PALMD: variants seen among roughly 807,000 people sequenced by gnomAD.
PALMD encodes the protein paralemmin-like protein.
Under a neutral mutation model 56.2 loss-of-function variants are expected in PALMD, and 42 were observed. The ratio of observed to expected loss-of-function variants is 0.75; its 90% CI spans 0.58 to 0.97. PALMD has a LOEUF of 0.97. PALMD is among the 50% of genes least tolerant of loss of function. The pLI is 0.00. For missense variants in PALMD, 660 were observed against 643.8 expected (o/e 1.03, Z -0.27); for synonymous variants, 242 against 222.9 (o/e 1.09, Z -0.76).
chr1:99,682,421 G>C (rs959441958), intron 3 of PALMD, among the ~76,000 whole-genome samples: 4 of 152,138 alleles, frequency 2.6e-5, no homozygotes, highest in Non-Finnish European at 5.9e-5. Flanking sequence ...GATGTATTGT[G>C]AGACCACAGC....
intron 7 of PALMD, among the ~76,000 whole-genome samples, chr1:99,691,241 G>A (rs781117968): frequency 6.6e-6 from 1 of 151,972 alleles, no homozygotes; most frequent in South Asian, 2.1e-4. Context: ...CACTGTTTAC[G>A]GTCAATAGCA....
chr1:99,680,840 G>A (rs1653324543), intron 3 of PALMD, among the ~76,000 whole-genome samples: 1 of 151,458 alleles, frequency 6.6e-6, no homozygotes, highest in Non-Finnish European at 1.5e-5. Flanking sequence ...GTATATGTGT[G>A]TATATATATG....
intron 1 of PALMD, among the ~76,000 whole-genome samples, chr1:99,647,484 T>C (rs149652334): frequency 6.6e-6 from 1 of 152,362 alleles, no homozygotes; most frequent in Admixed American, 6.5e-5. Flanking sequence ...AGTCTATTGA[T>C]AAGGTTGGCA....
At chr1:99,660,772 G>A (rs1652829384) in intron 1 of PALMD, among the ~76,000 whole-genome samples, 1 of 152,148 alleles carries the variant, frequency 6.6e-6, no homozygotes, top group South Asian at 2.1e-4. Context: ...TGTAGTCCCA[G>A]TTACTCAGGA....
In PALMD at chr1:99,694,156, T is replaced by G; in HGVS notation, c.*94T>G. ...GATATTTTGTTTATTTTTTCTGAAG[T>G]CCAAAAAATTATCATTACAGTGTAC... is the stretch of plus-strand genomic sequence containing the variant. On this transcript the variant is annotated 3_prime_UTR_variant, in exon 8 of 8. Coordinates refer to ENST00000263174, the MANE Select transcript of PALMD (RefSeq NM_017734.5). 2 of 834,324 alleles carry G rather than the reference T, an allele frequency of 2.4e-6. No individual in the cohort carries two copies. Among genetic ancestry groups the G allele is most frequent in the South Asian group, 3.3e-5 (2 of 61,502 alleles). 51.7% of individuals were successfully genotyped at this position (834,324 alleles called of 1,614,324 possible).
chr1:99,690,087 T>C (rs2100877628), intron 7 of PALMD: 1 of 510,902 alleles, frequency 2.0e-6, no homozygotes, highest in East Asian at 3.1e-5. Context: ...ATTGCCTTAT[T>C]TGATATTGTA....
intron 3 of PALMD, among the ~76,000 whole-genome samples, chr1:99,676,527 C>G (rs1653216264): frequency 6.6e-6 from 1 of 152,070 alleles, no homozygotes; most frequent in South Asian, 2.1e-4. Context: ...AATTTCTCAT[C>G]CCTAATACCC....
chr1:99,691,431 C>G (rs1653648854), intron 7 of PALMD, among the ~76,000 whole-genome samples: 1 of 152,076 alleles, frequency 6.6e-6, no homozygotes, highest in African/African-American at 2.4e-5. Context: ...ATAATGAAAA[C>G]AGGAAAACCT....
intron 1 of PALMD, among the ~76,000 whole-genome samples, chr1:99,652,698 A>AGG (rs60884970): frequency 6.4e-3 from 561 of 87,420 alleles, no homozygotes; most frequent in South Asian, 0.019. Flanking sequence ...AGGAAAGGAA[A>AGG]AGAAAAGAAA....
chr1:99,675,611 C>G (rs766966170), intron 3 of PALMD, among the ~76,000 whole-genome samples: 1 of 152,168 alleles, frequency 6.6e-6, no homozygotes, highest in Non-Finnish European at 1.5e-5. Flanking sequence ...GTTTCTGTCC[C>G]ACCAGAGCAG....
intron 3 of PALMD, among the ~76,000 whole-genome samples, chr1:99,672,010 C>T (rs1297745417): frequency 6.6e-6 from 1 of 152,076 alleles, no homozygotes; most frequent in Non-Finnish European, 1.5e-5. Context: ...TTTAAGTTTC[C>T]AATCTATGCT....
At chr1:99,657,788 T>C (rs1262536646) in intron 1 of PALMD, among the ~76,000 whole-genome samples, 5 of 152,130 alleles carry the variant, frequency 3.3e-5, no homozygotes, top group East Asian at 3.8e-4. Context: ...CTAAGTAATG[T>C]CCCACATTTT....
chr1:99,676,672 G>C (rs1305730750), intron 3 of PALMD, among the ~76,000 whole-genome samples: 1 of 151,900 alleles, frequency 6.6e-6, no homozygotes, highest in Non-Finnish European at 1.5e-5. Context: ...TTTCACTTAA[G>C]ATAATGATTT....
At chr1:99,688,711 G>C in intron 6 of PALMD, 64 bp from the exon 7 acceptor site, 1 of 1,028,614 alleles carries the variant, frequency 9.7e-7, no homozygotes, top group Non-Finnish European at 1.4e-6. Flanking sequence ...TAAACACAGT[G>C]AAAGCAGGTT....
intron 3 of PALMD, chr1:99,684,643 C>G (rs1326668350): frequency 6.6e-6 from 1 of 152,238 alleles, no homozygotes; most frequent in Non-Finnish European, 1.5e-5. Context: ...CCACCTCAGC[C>G]TCCCATGTAG....
intron 1 of PALMD, among the ~76,000 whole-genome samples, chr1:99,652,476 C>T (rs372318953): frequency 1.2e-4 from 18 of 151,818 alleles, no homozygotes; most frequent in African/African-American, 4.1e-4. Context: ...TGGTGGTCTG[C>T]GCCTGTAATC....
intron 3 of PALMD, among the ~76,000 whole-genome samples, chr1:99,674,299 G>A (rs142613646): frequency 1.4e-3 from 206 of 151,972 alleles, no homozygotes; most frequent in African/African-American, 4.8e-3. Flanking sequence ...TAAACTCTGA[G>A]GGTCCTCCCT....
At chr1:99,652,645 A>G (rs1206410779) in intron 1 of PALMD, among the ~76,000 whole-genome samples, 2 of 148,258 alleles carry the variant, frequency 1.3e-5, no homozygotes, top group Admixed American at 1.4e-4. Flanking sequence ...GAAAGGAAAG[A>G]AAAAAGAAAG....
intron 3 of PALMD, among the ~76,000 whole-genome samples, chr1:99,675,810 AT>A (rs1174103275): frequency 6.6e-6 from 1 of 152,162 alleles, no homozygotes; most frequent in Non-Finnish European, 1.5e-5. Flanking sequence ...TATTGTTCTG[AT>A]TAAGAGGGTT....
Sources: gnomAD v4.1 joint callset for allele counts (sites outside exome capture counted in the v4.1 genomes callset) on GRCh38, gnomAD v4.1.1 for gene constraint, MANE v1.5 for transcripts, NCBI Gene and HGNC (gene_info 2026-07-23, HGNC 2026-07-21) for gene names.